The following SPHKAP variants were observed in gnomAD, a reference collection of about 807,000 sequenced individuals.
SPHKAP encodes SPHK1 interactor, AKAP domain containing, also known as A-kinase anchor protein SPHKAP.
A neutral mutation model predicts 137.5 loss-of-function variants in SPHKAP; 67 were observed. The ratio of observed to expected loss-of-function variants is 0.49; its 90% confidence interval spans 0.40 to 0.60. SPHKAP has a LOEUF of 0.60. Ranked by LOEUF, SPHKAP falls within the 20% of genes least tolerant of loss-of-function variation. The probability of loss-of-function intolerance (pLI) is 0.00; values close to 1 mark genes in which losing one functional copy is unlikely to be tolerated. For missense variants in SPHKAP, 2,097 were observed against 2,069.3 expected, an observed-to-expected ratio of 1.01 and a Z score of -0.26; for synonymous variants, 813 against 785.3, an observed-to-expected ratio of 1.04 and a Z score of -0.59.
At chr2:228,046,870 C>G (rs901696848) in intron 3 of SPHKAP, among the ~76,000 whole-genome samples, 14 of 152,152 alleles carry the variant, frequency 9.2e-5, no homozygotes, top group Admixed American at 6.5e-4. Flanking sequence ...TGGGCAAGGG[C>G]AGCTGAGCAT....
chr2:228,009,635 T>C (rs919710457), intron 7 of SPHKAP, among the ~76,000 whole-genome samples: 2 of 152,224 alleles, frequency 1.3e-5, no homozygotes, highest in Non-Finnish European at 2.9e-5. Flanking sequence ...TGCAAGTTTA[T>C]GTTGTTGAGT....
At chr2:228,086,169 T>A (rs1317617259) in intron 3 of SPHKAP, among the ~76,000 whole-genome samples, 1 of 152,006 alleles carries the variant, frequency 6.6e-6, no homozygotes, top group Non-Finnish European at 1.5e-5. Flanking sequence ...AAAAAAAAAT[T>A]GGCAAAAATT....
chr2:228,118,247 T>G (rs905127025), intron 2 of SPHKAP, among the ~76,000 whole-genome samples: 14 of 65,320 alleles, frequency 2.1e-4, no homozygotes, highest in Admixed American at 4.4e-4. Context: ...ACAGTTTTTT[T>G]TTTTTTTTTT....
Position 227,993,584 on chromosome 2 carries a change from A to T in SPHKAP, c.4671T>A (p.Ile1557=), listed in dbSNP as rs1160168158. ...TTTCCTGATAAATGTCCAGATCCAT[A>T]ATGCCAAGACTGCTAGTGGCACTAC... ...GNSSATSSLG[I]MDLDIYQESM... is the part of the protein sequence containing the mutation. The change falls in exon 9 of 12, where the codon ATT becomes ATA. Residue 1557 remains isoleucine, a synonymous_variant. Transcript: ENST00000392056. The T allele has an allele frequency of 6.2e-7, 1 of 1,603,846 alleles. No homozygotes were observed. Among genetic ancestry groups the T allele is most frequent in the Non-Finnish European group, 8.5e-7 (1 of 1,175,182 alleles).
intron 1 of SPHKAP, among the ~76,000 whole-genome samples, chr2:228,163,695 C>T (rs1291103990): frequency 6.6e-6 from 1 of 152,124 alleles, no homozygotes; most frequent in African/African-American, 2.4e-5. Flanking sequence ...TATGAAGAAG[C>T]CCTTTGGGAT....
intron 3 of SPHKAP, among the ~76,000 whole-genome samples, chr2:228,093,237 A>G (rs1469154406): frequency 2.0e-5 from 3 of 152,218 alleles, no homozygotes; most frequent in Admixed American, 1.3e-4. Context: ...AGGCAGTTAC[A>G]TATAGAGTTA....
chr2:227,988,608 C>T (rs1312016428), intron 11 of SPHKAP, among the ~76,000 whole-genome samples: 11 of 152,154 alleles, frequency 7.2e-5, no homozygotes, highest in Non-Finnish European at 1.6e-4. Flanking sequence ...ACATCTATTC[C>T]ATTCAGATAC....
chr2:228,033,626 G>C (rs867985678), intron 3 of SPHKAP, among the ~76,000 whole-genome samples: 1 of 152,094 alleles, frequency 6.6e-6, no homozygotes, highest in African/African-American at 2.4e-5. Context: ...CATATAGTTG[G>C]AAGTAAAGCA....
In SPHKAP at chr2:227,991,233, C is replaced by T. The variant is rs1252285370; in HGVS notation, c.4774+41G>A. 1.9e-6 allele frequency: 3 copies of T among 1,614,172 alleles called. No individual in the cohort carries two copies. In the South Asian group the frequency reaches 3.3e-5, roughly 18 times the overall value. ...CTTATCCTTCTTTCCAAAGGGACAG[C>T]CCAGGCAATTGTGTGTCAAAAGTAT... On this transcript the variant is annotated intron_variant, in intron 10 of 11. Coordinates refer to ENST00000392056, the MANE Select transcript of SPHKAP (RefSeq NM_001142644.2).
chr2:227,990,939 G>T, intron 11 of SPHKAP, 61 bp downstream of exon 11: 1 of 1,542,548 alleles, frequency 6.5e-7, no homozygotes, highest in Non-Finnish European at 8.9e-7. Flanking sequence ...AGCATTTACT[G>T]AGTTTCCAGT....
chr2:228,022,191 C>A (rs147958070), intron 5 of SPHKAP: 1 of 984,794 alleles, frequency 1.0e-6, no homozygotes, highest in Admixed American at 6.2e-5. Flanking sequence ...AAAAATAGAT[C>A]GGCTGTATCA....
At chr2:228,166,103 CAA>C (rs1700416631) in intron 1 of SPHKAP, among the ~76,000 whole-genome samples, 1 of 151,990 alleles carries the variant, frequency 6.6e-6, no homozygotes, top group South Asian at 2.1e-4. Flanking sequence ...ATAGGTGCCT[CAA>C]AGAGACAGAT....
At chr2:228,027,776 G>A (rs1450684428) in intron 3 of SPHKAP, among the ~76,000 whole-genome samples, 2 of 151,842 alleles carry the variant, frequency 1.3e-5, no homozygotes, top group African/African-American at 4.8e-5. Flanking sequence ...GACCATCCTG[G>A]CCAACATGGT....
chr2:228,000,427 G>A (rs1488845120), intron 7 of SPHKAP, among the ~76,000 whole-genome samples: 1 of 152,096 alleles, frequency 6.6e-6, no homozygotes, highest in Non-Finnish European at 1.5e-5. Context: ...GACCATCGTG[G>A]CTAACATGGT....
chr2:228,056,583 C>CAAAAAA (rs35406042), intron 3 of SPHKAP, among the ~76,000 whole-genome samples: 1 of 118,144 alleles, frequency 8.5e-6, no homozygotes. Flanking sequence ...AGTAAATGAG[C>CAAAAAA]AAAAAAAAAA....
chr2:228,044,829 A>C, intron 3 of SPHKAP, among the ~76,000 whole-genome samples: 1 of 152,340 alleles, frequency 6.6e-6, no homozygotes, highest in South Asian at 2.1e-4. Context: ...AATGGGAGAA[A>C]ATTTTGGCAA....
At chr2:228,073,975 CTG>C (rs549738448) in intron 3 of SPHKAP, among the ~76,000 whole-genome samples, 39 of 152,284 alleles carry the variant, frequency 2.6e-4, no homozygotes, top group African/African-American at 8.4e-4. Flanking sequence ...GAGAACCACA[CTG>C]TGAAATATCA....
rs1354061243 is a variant in SPHKAP at position 228,018,055 on chromosome 2, T to G, written c.2799A>C (p.Leu933Phe). Reference sequence around the variant, plus strand: ...TTGCCATGGAGACGACCGTGTCTGCTAATTCTTCCGCAAAGTCTGTAATGC... The same window carrying G: ...TTGCCATGGAGACGACCGTGTCTGCGAATTCTTCCGCAAAGTCTGTAATGC... ...IYCITDFAEE[L>F]ADTVVSMATE... Residue 933 changes from leucine to phenylalanine, a missense_variant, in exon 7 of 12, where the codon TTA (leucine) becomes TTC (phenylalanine). By Grantham distance (22) the Leu-to-Phe change is conservative. Coordinates refer to ENST00000392056, the MANE Select transcript of SPHKAP (RefSeq NM_001142644.2). The G allele has an allele frequency of 6.2e-7, 1 of 1,614,218 alleles. No homozygotes were observed. Among genetic ancestry groups the G allele is most frequent in the Non-Finnish European group, 8.5e-7 (1 of 1,180,046 alleles).
At chr2:228,099,406 T>C (rs1430793721) in intron 3 of SPHKAP, among the ~76,000 whole-genome samples, 1 of 152,212 alleles carries the variant, frequency 6.6e-6, no homozygotes, top group African/African-American at 2.4e-5. Flanking sequence ...ACCAGTACCA[T>C]CCTGTTTTGG....
Sources: allele counts gnomAD v4.1 joint callset (sites outside exome capture counted in the v4.1 genomes callset), GRCh38; gene constraint gnomAD v4.1.1; transcripts MANE v1.5; gene names NCBI Gene and HGNC (gene_info 2026-07-23, HGNC 2026-07-21).